The following RGS7BP variants were observed in gnomAD, a reference collection of about 807,000 sequenced individuals.
RGS7BP encodes regulator of G protein signaling 7 binding protein.
RGS7BP carries 9 observed loss-of-function variants against 31.3 expected under a neutral mutation model. That is an observed-to-expected ratio of 0.29 (90% CI 0.17 to 0.50). The LOEUF (loss-of-function observed/expected upper bound fraction) is 0.50, where lower values mean the gene tolerates loss of function less well. Among genes scored for constraint, RGS7BP ranks in the 20% least tolerant of loss-of-function variants. The probability of loss-of-function intolerance (pLI) is 0.98; values close to 1 mark genes in which losing one functional copy is unlikely to be tolerated. For missense variants in RGS7BP, 274 were observed against 322.0 expected (o/e 0.85, Z 1.14); for synonymous variants, 115 against 120.1 (o/e 0.96, Z 0.28).
At chr5:64,565,914 AT>A (rs1375402712) in intron 2 of RGS7BP, among the ~76,000 whole-genome samples, 2 of 152,164 alleles carry the variant, frequency 1.3e-5, no homozygotes, top group Non-Finnish European at 2.9e-5. Context: ...ATTTTTGACA[AT>A]TATGCAAAAA....
chr5:64,590,412 T>A (rs1253054725), intron 3 of RGS7BP, among the ~76,000 whole-genome samples: 1 of 151,950 alleles, frequency 6.6e-6, no homozygotes, highest in African/African-American at 2.4e-5. Flanking sequence ...TACAAAGAAA[T>A]CAGGAGCCAT....
chr5:64,527,090 C>G (rs1749249837), intron 2 of RGS7BP, among the ~76,000 whole-genome samples: 1 of 152,186 alleles, frequency 6.6e-6, no homozygotes, highest in South Asian at 2.1e-4. Context: ...GTAACATACT[C>G]GGGTCCAGTT....
intron 4 of RGS7BP, among the ~76,000 whole-genome samples, chr5:64,597,721 T>C (rs181188291): frequency 6.3e-4 from 95 of 151,326 alleles, no homozygotes; most frequent in Middle Eastern, 3.4e-3. Context: ...ACATGGGGTG[T>C]GGAATGATAG....
rs547776969 is a variant in RGS7BP, at chr5:64,562,943, C to T, written c.333-12831C>T. On this transcript the variant is annotated intron_variant, in intron 2 of 5. Coordinates refer to ENST00000334025, the MANE Select transcript of RGS7BP (RefSeq NM_001029875.3). ...CTTCCTGTTCCTAGGGATATTGTAA[C>T]CTAAGGATCTGTATCTGATAGAAAA... Among the ~76,000 whole-genome samples the T allele has an allele frequency of 2.6e-5, 4 of 152,164 alleles. No individual in the cohort carries two copies. In the East Asian group the frequency reaches 7.8e-4, roughly 30 times the overall value.
At chr5:64,572,299 G>A (rs1024915998) in intron 2 of RGS7BP, among the ~76,000 whole-genome samples, 6 of 151,996 alleles carry the variant, frequency 3.9e-5, no homozygotes, top group African/African-American at 1.2e-4. Context: ...TGAAAATAAC[G>A]CAAATGCTCT....
chr5:64,560,845 C>T (rs1742037249), intron 2 of RGS7BP, among the ~76,000 whole-genome samples: 1 of 152,140 alleles, frequency 6.6e-6, no homozygotes, highest in East Asian at 1.9e-4. Context: ...GAGGCCATTG[C>T]ATTGCATCCT....
intron 3 of RGS7BP, among the ~76,000 whole-genome samples, chr5:64,594,304 T>C (rs1156827428): frequency 6.6e-6 from 1 of 152,086 alleles, no homozygotes; most frequent in Non-Finnish European, 1.5e-5. Context: ...CTGCTGGGTG[T>C]CACCTGCTCC....
chr5:64,561,467 C>A (rs571736762), intron 2 of RGS7BP, among the ~76,000 whole-genome samples: 1 of 152,056 alleles, frequency 6.6e-6, no homozygotes, highest in Non-Finnish European at 1.5e-5. Flanking sequence ...ACTGTGTTTA[C>A]TCTTTCGATG....
intron 2 of RGS7BP, among the ~76,000 whole-genome samples, chr5:64,524,164 G>A (rs754082824): frequency 6.6e-6 from 1 of 152,172 alleles, no homozygotes; most frequent in Non-Finnish European, 1.5e-5. Flanking sequence ...AAGAGTTATG[G>A]CCATTTCTAG....
rs542100532 is a variant in RGS7BP at position 64,545,253 on chromosome 5, G to A, written c.333-30521G>A. ...CACAGGAAGGGGAACATCACACACCGGGGCCTGTTGTGAGATGGGGGAGTG... is the reference window on the plus strand; with the variant it reads ...CACAGGAAGGGGAACATCACACACCAGGGCCTGTTGTGAGATGGGGGAGTG... On this transcript the variant is annotated intron_variant, in intron 2 of 5. Transcript: ENST00000334025. Among the ~76,000 whole-genome samples the A allele has an allele frequency of 3.4e-4, 52 of 152,010 alleles. 2 individuals carry two copies. Among genetic ancestry groups the A allele is most frequent in the South Asian group, 8.3e-4 (4 of 4,804 alleles).
At chr5:64,522,987 A>T (rs192774434) in intron 2 of RGS7BP, among the ~76,000 whole-genome samples, 73 of 151,992 alleles carry the variant, frequency 4.8e-4, no homozygotes, top group Admixed American at 4.4e-3. Context: ...AGGGAAGGAG[A>T]ATGATTCAGC....
chr5:64,537,173 G>A (rs1388751380), intron 2 of RGS7BP, among the ~76,000 whole-genome samples: 3 of 152,124 alleles, frequency 2.0e-5, no homozygotes, highest in Non-Finnish European at 4.4e-5. Flanking sequence ...TTAGTCCAGG[G>A]GTGTCCAATC....
intron 3 of RGS7BP, among the ~76,000 whole-genome samples, chr5:64,585,981 G>T (rs1220524390): frequency 1.3e-5 from 2 of 152,170 alleles, no homozygotes; most frequent in South Asian, 4.1e-4. Context: ...GGATTTTTCA[G>T]GGGACAGAGT....
chr5:64,546,507 A>G (rs1360286136), intron 2 of RGS7BP, among the ~76,000 whole-genome samples: 1 of 152,126 alleles, frequency 6.6e-6, no homozygotes, highest in African/African-American at 2.4e-5. Flanking sequence ...ATTTAATAGC[A>G]AGGATATTAG....
intron 5 of RGS7BP, among the ~76,000 whole-genome samples, chr5:64,607,638 G>A (rs1049480213): frequency 1.3e-4 from 20 of 152,026 alleles, no homozygotes; most frequent in African/African-American, 4.3e-4. Flanking sequence ...CCAGGTAGCA[G>A]ACTTCAGCAA....
intron 2 of RGS7BP, among the ~76,000 whole-genome samples, chr5:64,570,429 A>AAGTT (rs1742276835): frequency 1.3e-5 from 2 of 152,196 alleles, no homozygotes; most frequent in South Asian, 4.1e-4. Context: ...ATTTAAATCT[A>AAGTT]AGTTTTCTAA....
At chr5:64,561,877 G>A (rs1393257343) in intron 2 of RGS7BP, among the ~76,000 whole-genome samples, 3 of 147,836 alleles carry the variant, frequency 2.0e-5, no homozygotes, top group Non-Finnish European at 4.4e-5. Context: ...TTCCGTTCTT[G>A]AGCTAACCAT....
At chr5:64,557,966 C>G (rs1369001599) in intron 2 of RGS7BP, among the ~76,000 whole-genome samples, 1 of 152,062 alleles carries the variant, frequency 6.6e-6, no homozygotes, top group Non-Finnish European at 1.5e-5. Context: ...TAGGATAAAA[C>G]CTTGCACAGT....
intron 3 of RGS7BP, among the ~76,000 whole-genome samples, chr5:64,582,147 A>G (rs182043602): frequency 6.6e-6 from 1 of 152,334 alleles, no homozygotes; most frequent in East Asian, 1.9e-4. Context: ...CTTCACAGTT[A>G]GTTAGGTAGG....
Sources: gnomAD v4.1 joint callset for allele counts (sites outside exome capture counted in the v4.1 genomes callset) on GRCh38, gnomAD v4.1.1 for gene constraint, MANE v1.5 for transcripts, NCBI Gene and HGNC (gene_info 2026-07-23, HGNC 2026-07-21) for gene names.